ADAM12: variants seen among roughly 807,000 people sequenced by gnomAD.
The protein encoded by ADAM12 is disintegrin and metalloproteinase domain-containing protein 12.
In ADAM12, 70 loss-of-function variants were observed where a neutral mutation model predicts 106.4. The observed-to-expected ratio is 0.66, with a 90% CI of 0.54 to 0.80. ADAM12 has a LOEUF of 0.80. Among genes scored for constraint, ADAM12 ranks in the 30% least tolerant of loss-of-function variants. ADAM12 has a pLI of 0.00. For synonymous variants in ADAM12, 420 were observed against 433.5 expected (o/e 0.97, Z 0.39); for missense variants, 1,010 against 1,171.9 (o/e 0.86, Z 2.02).
At position 126,015,568 on chromosome 10, in the gene ADAM12, G is replaced by A. The variant is rs1327462265; in HGVS notation, c.*1711C>T. ...ATTAGAGCTGGGTTCCCTTTTGTGT[G>A]TGTTTGTGTCACGTGTTTAGTTTAT... On this transcript the variant is annotated 3_prime_UTR_variant, in exon 23 of 23. Coordinates refer to ENST00000448723, the MANE Select transcript of ADAM12 (RefSeq NM_001288973.2). The A allele has an allele frequency of 2.0e-5, 3 of 152,154 alleles. No individual in the cohort carries two copies. The highest frequency in any genetic ancestry group is 4.1e-4 in the South Asian group (2 of 4,824). The allele number at this position is 152,154 out of a possible 1,614,324, so 9.4% of individuals were successfully genotyped here. A position where few individuals can be genotyped will look rare whatever the true frequency, so the allele number is the denominator to read the frequency against.
chr10:126,284,289 C>A (rs1439395689), intron 2 of ADAM12, among the ~76,000 whole-genome samples: 1 of 138,468 alleles, frequency 7.2e-6, no homozygotes, highest in African/African-American at 2.8e-5. Flanking sequence ...GCTGAGATCA[C>A]GTCACTGCAC....
intron 12 of ADAM12, among the ~76,000 whole-genome samples, chr10:126,069,584 G>A (rs1038886390): frequency 1.3e-5 from 2 of 152,254 alleles, no homozygotes; most frequent in African/African-American, 4.8e-5. Context: ...ATCAGAATAT[G>A]AGTGGCTGAC....
At chr10:126,349,520 C>G (rs963303625) in intron 1 of ADAM12, among the ~76,000 whole-genome samples, 10 of 152,116 alleles carry the variant, frequency 6.6e-5, no homozygotes, top group Non-Finnish European at 1.0e-4. Context: ...TTAAAGAAAG[C>G]TAAGTTTATG....
At chr10:126,083,641 G>A (rs1468115443) in intron 11 of ADAM12, among the ~76,000 whole-genome samples, 2 of 152,252 alleles carry the variant, frequency 1.3e-5, no homozygotes, top group African/African-American at 4.8e-5. Flanking sequence ...GCTAGCCTGA[G>A]GTGATACCTG....
chr10:126,382,400 G>A (rs1049394678), intron 1 of ADAM12, among the ~76,000 whole-genome samples: 2 of 152,162 alleles, frequency 1.3e-5, no homozygotes, highest in African/African-American at 4.8e-5. Context: ...AGTGCTAAAC[G>A]GAAAACAAAA....
intron 1 of ADAM12, among the ~76,000 whole-genome samples, chr10:126,332,743 G>A (rs536615418): frequency 3.3e-5 from 5 of 152,258 alleles, no homozygotes; most frequent in South Asian, 2.1e-4. Flanking sequence ...GAGGCAGAGC[G>A]TGGTGAGCCC....
chr10:126,182,112 C>G (rs546053641), intron 3 of ADAM12, among the ~76,000 whole-genome samples: 2 of 152,218 alleles, frequency 1.3e-5, no homozygotes, highest in African/African-American at 4.8e-5. Context: ...ACGTATGGCA[C>G]GCCAGGTAAC....
In ADAM12 at chr10:126,054,036, C is replaced by T. The variant is rs540940507; in HGVS notation, c.1610-4367G>A. Among the ~76,000 whole-genome samples the T allele has an allele frequency of 5.3e-5, 8 of 152,308 alleles. No individual in the cohort carries two copies. The South Asian group carries it at 1.2e-3, about 24-fold the overall frequency. ...CTCAGTCTTCTTGCTTTCCATGGCA[C>T]ATTCCCTGCACTTCCGGCTTTCTCA... On this transcript the variant is annotated intron_variant, in intron 14 of 22. Transcript: ENST00000448723.
chr10:126,315,276 T>C (rs1853818249), intron 2 of ADAM12, among the ~76,000 whole-genome samples: 1 of 152,154 alleles, frequency 6.6e-6, no homozygotes, highest in African/African-American at 2.4e-5. Flanking sequence ...TTCTGGACAT[T>C]TATTTTATAG....
intron 2 of ADAM12, among the ~76,000 whole-genome samples, chr10:126,321,799 A>G (rs1854103586): frequency 6.6e-6 from 1 of 150,630 alleles, no homozygotes; most frequent in South Asian, 2.1e-4. Flanking sequence ...AAAGTTAAAG[A>G]TTTTTCTGAA....
At chr10:126,104,245 T>C (rs1239315448) in intron 8 of ADAM12, among the ~76,000 whole-genome samples, 6 of 151,160 alleles carry the variant, frequency 4.0e-5, no homozygotes, top group African/African-American at 1.5e-4. Flanking sequence ...AGGTTAGGAG[T>C]TTGAGGCCAG....
At chr10:126,264,593 T>A (rs576178337) in intron 3 of ADAM12, among the ~76,000 whole-genome samples, 1 of 152,240 alleles carries the variant, frequency 6.6e-6, no homozygotes, top group South Asian at 2.1e-4. Flanking sequence ...ACAAACGCCC[T>A]CGTTTTGTTT....
intron 9 of ADAM12, among the ~76,000 whole-genome samples, chr10:126,100,421 C>T (rs114268035): frequency 0.016 from 2,395 of 151,832 alleles, 75 homozygotes; most frequent in East Asian, 0.084. Flanking sequence ...ACAGGCTCCT[C>T]GGCCTGGCGC....
intron 4 of ADAM12, among the ~76,000 whole-genome samples, chr10:126,148,649 G>A (rs1956672700): frequency 6.6e-6 from 1 of 152,114 alleles, no homozygotes; most frequent in Non-Finnish European, 1.5e-5. Flanking sequence ...GAGATTTGGG[G>A]GTGCCAATTA....
At chr10:126,287,860 C>T (rs1447763274) in intron 2 of ADAM12, among the ~76,000 whole-genome samples, 1 of 152,040 alleles carries the variant, frequency 6.6e-6, no homozygotes, top group Non-Finnish European at 1.5e-5. Flanking sequence ...TGTTTACAGT[C>T]TATCTCCCTC....
intron 11 of ADAM12, among the ~76,000 whole-genome samples, chr10:126,084,682 T>C (rs1237308324): frequency 6.6e-6 from 1 of 152,188 alleles, no homozygotes; most frequent in Non-Finnish European, 1.5e-5. Context: ...GCCCAGTTCT[T>C]GCCCCACTGA....
At chr10:126,344,727 G>A (rs1479497516) in intron 1 of ADAM12, among the ~76,000 whole-genome samples, 1 of 152,162 alleles carries the variant, frequency 6.6e-6, no homozygotes, top group Non-Finnish European at 1.5e-5. Context: ...TCTCCTTGAA[G>A]AGGTTCTTCA....
At chr10:126,116,072 T>C (rs920318213) in intron 6 of ADAM12, among the ~76,000 whole-genome samples, 1 of 152,220 alleles carries the variant, frequency 6.6e-6, no homozygotes, top group Non-Finnish European at 1.5e-5. Flanking sequence ...CAAAGCACCG[T>C]TGTTATTCCC....
At chr10:126,222,638 C>A (rs1330285328) in intron 3 of ADAM12, among the ~76,000 whole-genome samples, 1 of 151,932 alleles carries the variant, frequency 6.6e-6, no homozygotes, top group Non-Finnish European at 1.5e-5. Context: ...AGAGAGTTGC[C>A]TAAAGCTTCC....
Sources: allele counts gnomAD v4.1 joint callset (sites outside exome capture counted in the v4.1 genomes callset), GRCh38; gene constraint gnomAD v4.1.1; transcripts MANE v1.5; gene names NCBI Gene and HGNC (gene_info 2026-07-23, HGNC 2026-07-21).